Variants in DOCK11 observed in about 807,000 individuals in gnomAD.
DOCK11 encodes dedicator of cytokinesis protein 11.
Under a neutral mutation model 169.1 loss-of-function variants are expected in DOCK11, and 70 were observed. That is an observed-to-expected ratio of 0.41 (90% CI 0.34 to 0.51). The LOEUF is 0.51. Among genes scored for constraint, DOCK11 ranks in the 20% least tolerant of loss-of-function variants. The pLI, the probability that DOCK11 is intolerant of heterozygous loss-of-function variation, is 0.10. For missense variants in DOCK11, 1,166 were observed against 1,538.8 expected, an observed-to-expected ratio of 0.76 and a Z score of 4.05; for synonymous variants, 529 against 541.3, an observed-to-expected ratio of 0.98 and a Z score of 0.32.
intron 39 of DOCK11, among the ~76,000 whole-genome samples, chrX:118,642,624 A>AGATC (rs1485196051): frequency 8.9e-6 from 1 of 111,769 alleles, no homozygotes; most frequent in Non-Finnish European, 1.9e-5. Flanking sequence ...ATCAGGATTG[A>AGATC]GATCTAGGCC....
intron 35 of DOCK11, chrX:118,632,994 G>A (rs2015291771): frequency 1.1e-5 from 1 of 90,682 alleles, no homozygotes; most frequent in Non-Finnish European, 2.2e-5. Context: ...GGGGGGTGGG[G>A]GGGATGGGGA....
At chrX:118,506,675 T>A (rs770107768) in intron 1 of DOCK11, among the ~76,000 whole-genome samples, 2 of 112,009 alleles carry the variant, frequency 1.8e-5, no homozygotes, top group Admixed American at 1.9e-4. Context: ...AAAAAAAAAT[T>A]ATATTTTGGA....
intron 12 of DOCK11, 22 bp downstream of exon 12, chrX:118,574,040 T>C (rs780090497): frequency 2.6e-6 from 3 of 1,166,290 alleles, no homozygotes; most frequent in Middle Eastern, 4.7e-4. Context: ...CCTTTAGTCT[T>C]AGCAGCGTAT....
rs918162324 is a variant in DOCK11 at position 118,685,995 on chromosome X, C to G, written c.*188C>G. The G allele has an allele frequency of 2.1e-6, 1 of 470,040 alleles. No homozygotes were observed. The highest frequency in any genetic ancestry group is 2.5e-5 in the African/African-American group (1 of 40,767). The allele number at this position is 470,040 out of a possible 1,213,427, so 38.7% of individuals were successfully genotyped here. On this transcript the variant is annotated 3_prime_UTR_variant, in exon 53 of 53. Transcript: ENST00000276202. ...CTTGAAAGTGCCTGGAAAATTGCAC[C>G]ACTGTGCTTGGTTTGTACTTTTTTA...
intron 35 of DOCK11, among the ~76,000 whole-genome samples, chrX:118,634,757 C>CA (rs1439318136): frequency 8.9e-6 from 1 of 112,072 alleles, no homozygotes; most frequent in African/African-American, 3.2e-5. Flanking sequence ...GATGGAGTCT[C>CA]ACTCTGTTGA....
intron 44 of DOCK11, 121 bp downstream of exon 44, chrX:118,655,082 C>CT: frequency 9.4e-6 from 6 of 639,820 alleles, no homozygotes; most frequent in Non-Finnish European, 1.4e-5. Flanking sequence ...CACCCTTGGC[C>CT]TTATTCAGTG....
intron 46 of DOCK11, among the ~76,000 whole-genome samples, chrX:118,672,330 C>T (rs948696961): frequency 8.9e-6 from 1 of 112,673 alleles, no homozygotes; most frequent in Non-Finnish European, 1.9e-5. Flanking sequence ...TCTCTTAGTC[C>T]ATATCATAAT....
chrX:118,685,400 T>G (rs2016835522), intron 52 of DOCK11: 1 of 221,643 alleles, frequency 4.5e-6, no homozygotes. Context: ...TGTTAAAAAA[T>G]ATTTTAAAGA....
At position 118,641,322 on chromosome X, in the gene DOCK11, A is replaced by T. The variant is rs550844405; in HGVS notation, c.4260+17A>T. ...TGCTTCAAGGTAAAAATGAAGAGTT[A>T]TAATTCAGTTGGTACCATTGCAAAG... On this transcript the variant is annotated intron_variant, in intron 39 of 52. Transcript: ENST00000276202. 1.3e-5 allele frequency: 14 copies of T among 1,085,877 alleles called. No homozygotes were observed. In the East Asian group the frequency reaches 1.8e-4, roughly 14 times the overall value. 89.5% of individuals were successfully genotyped at this position (1,085,877 alleles called of 1,213,427 possible). A position where few individuals can be genotyped will look rare whatever the true frequency, so the allele number is the denominator to read the frequency against.
rs775715411 is a variant in DOCK11, at chrX:118,605,295, C to A, written c.2620C>A (p.Gln874Lys). ...ACAGTTTCTACCTGTAATTCTTATG[C>A]AACTCTTCCGAGTTCTCACAAATAT... Reference protein sequence around the residue: ...MIQFLPVILMQLFRVLTNMTH... With the variant: ...MIQFLPVILMKLFRVLTNMTH... Residue 874 changes from glutamine to lysine, a missense_variant, in exon 24 of 53, where the codon CAA (glutamine) becomes AAA (lysine). Gln to Lys is a moderately conservative substitution (Grantham distance 53). Transcript: ENST00000276202. The A allele has an allele frequency of 1.2e-5, 15 of 1,201,468 alleles. No individual in the cohort carries two copies. The highest frequency in any genetic ancestry group is 1.3e-5 in the Non-Finnish European group (12 of 892,017).
chrX:118,681,149 AATAAAAGAT>A lies in DOCK11; in HGVS notation c.5765_5773del (p.Ile1922_Asp1924del). 1 of 1,208,667 alleles carries A rather than the reference AATAAAAGAT, an allele frequency of 8.3e-7. No homozygotes were observed. The highest frequency in any genetic ancestry group is 3.0e-5 in the East Asian group (1 of 33,700). On this transcript the variant is annotated inframe_deletion, in exon 50 of 53. Coordinates refer to ENST00000276202, the MANE Select transcript of DOCK11 (RefSeq NM_144658.4). ...AACCAATTGATGTTGCCACTGATGA[AATAAAAGAT>A]AAAACTGCAGAGCTGCAAAAGCTTT...
chrX:118,564,479 AAG>A (rs2147378490), intron 7 of DOCK11, among the ~76,000 whole-genome samples: 1 of 111,921 alleles, frequency 8.9e-6, no homozygotes, highest in African/African-American at 3.2e-5. Context: ...GGTAAAGTAA[AAG>A]AATGTATCAG....
Position 118,543,613 on chromosome X carries a change from G to T in DOCK11, c.392+20G>T. Reference sequence around the variant, plus strand: ...GCCATGGTAAGTTTAGCATTCCAGGGAAACATGCAACAGGAGAATTATTAA... The same window carrying T: ...GCCATGGTAAGTTTAGCATTCCAGGTAAACATGCAACAGGAGAATTATTAA... On this transcript the variant is annotated intron_variant, in intron 4 of 52. Transcript: ENST00000276202. The T allele has an allele frequency of 8.6e-7, 1 of 1,158,870 alleles. No individual in the cohort carries two copies. The highest frequency in any genetic ancestry group is 1.2e-6 in the Non-Finnish European group (1 of 847,976).
intron 1 of DOCK11, among the ~76,000 whole-genome samples, chrX:118,521,836 T>C (rs2011273976): frequency 8.9e-6 from 1 of 112,065 alleles, no homozygotes. Context: ...ATCTCAAATG[T>C]AACATATCAA....
At chrX:118,566,331 T>C in intron 8 of DOCK11, 149 bp downstream of exon 8, 2 of 600,932 alleles carry the variant, frequency 3.3e-6, no homozygotes, top group Non-Finnish European at 5.1e-6. Context: ...TTGATAGACT[T>C]TTTTTAAACA....
At chrX:118,593,647 C>A (rs902800538) in intron 20 of DOCK11, among the ~76,000 whole-genome samples, 2 of 111,148 alleles carry the variant, frequency 1.8e-5, no homozygotes, top group African/African-American at 6.6e-5. Flanking sequence ...CCCACCAGAT[C>A]TCGTGAGACT....
chrX:118,577,781 A>G (rs1033177765), intron 12 of DOCK11, among the ~76,000 whole-genome samples: 5 of 112,069 alleles, frequency 4.5e-5, no homozygotes, highest in African/African-American at 1.6e-4. Flanking sequence ...TTGGTAATAT[A>G]TCAAGGAAAA....
chrX:118,597,009 ACT>A (rs766580725), intron 20 of DOCK11, among the ~76,000 whole-genome samples: 58 of 111,618 alleles, frequency 5.2e-4, no homozygotes, highest in Admixed American at 4.9e-3. Flanking sequence ...CAGCCGTGAG[ACT>A]CTGCACTCTT....
At chrX:118,566,447 A>G (rs2013082331) in intron 8 of DOCK11, 127 bp from the exon 9 acceptor site, 2 of 677,508 alleles carry the variant, frequency 3.0e-6, no homozygotes, top group Non-Finnish European at 2.2e-6. Context: ...CTATGCTTTC[A>G]TAATAGAAAT....
Sources: gnomAD v4.1 joint callset for allele counts (sites outside exome capture counted in the v4.1 genomes callset) on GRCh38, gnomAD v4.1.1 for gene constraint, MANE v1.5 for transcripts, NCBI Gene and HGNC (gene_info 2026-07-23, HGNC 2026-07-21) for gene names.